Variants in SPTAN1 observed in about 807,000 individuals in gnomAD.
SPTAN1 encodes the protein spectrin alpha chain, non-erythrocytic 1.
In SPTAN1, 61 loss-of-function variants were observed where a neutral mutation model predicts 331.3. The ratio of observed to expected loss-of-function variants is 0.18; its 90% CI spans 0.15 to 0.23. The LOEUF (loss-of-function observed/expected upper bound fraction) is 0.23, where lower values mean the gene tolerates loss of function less well. Ranked by LOEUF, SPTAN1 falls within the 10% of genes least tolerant of loss-of-function variation. The pLI is 1.00. For synonymous variants in SPTAN1, 1,153 were observed against 1,173.9 expected (o/e 0.98, Z 0.36); for missense variants, 2,043 against 3,147.9 (o/e 0.65, Z 8.40).
At chr9:128,584,675 T>A (rs1222391680) in intron 17 of SPTAN1, 46 bp from the exon 18 acceptor site, 1 of 1,614,102 alleles carries the variant, frequency 6.2e-7, no homozygotes, top group African/African-American at 1.3e-5. Context: ...CAGTGCTGAC[T>A]TTTCTCTTCA....
chr9:128,632,202 G>T lies in SPTAN1; in HGVS notation c.6838G>T (p.Ala2280Ser). ...GGACCTGGGGGCCGCCATGGAGGAG[G>T]CCCTCATCCTGGACAACAAGTACAC... ...IEDLGAAMEEALILDNKYTEH... is the reference protein window; with the variant it reads ...IEDLGAAMEESLILDNKYTEH... Residue 2280 changes from alanine to serine, a missense_variant, in exon 53 of 57, where the codon GCC becomes TCC. Physicochemically the swap from Ala to Ser is moderately conservative, Grantham distance 99 (BLOSUM62 1). Around this residue, in one of 12 missense-constraint regions of SPTAN1, gnomAD observed 256 missense variants for 376.4 expected, o/e 0.68. Transcript: ENST00000372739. 1 of 1,613,508 alleles carries T rather than the reference G, an allele frequency of 6.2e-7. No individual in the cohort carries two copies. The highest frequency in any genetic ancestry group is 8.5e-7 in the Non-Finnish European group (1 of 1,180,032).
chr9:128,609,017 G>A, intron 35 of SPTAN1, 40 bp downstream of exon 35: 2 of 1,613,974 alleles, frequency 1.2e-6, no homozygotes, highest in East Asian at 4.5e-5. Context: ...CCAGCCCTGA[G>A]AGGATGCATC....
chr9:128,557,531 A>G (rs1407924013), intron 1 of SPTAN1, among the ~76,000 whole-genome samples: 1 of 152,046 alleles, frequency 6.6e-6, no homozygotes, highest in Non-Finnish European at 1.5e-5. Flanking sequence ...TATATATCCC[A>G]TAAATACCCC....
In SPTAN1 at chr9:128,607,932, A is replaced by T. The variant is rs1375431062; in HGVS notation, c.4227A>T (p.Gly1409=). The T allele has an allele frequency of 3.7e-6, 6 of 1,614,046 alleles. No homozygotes were observed. The highest frequency in any genetic ancestry group is 4.2e-6 in the Non-Finnish European group (5 of 1,180,018). The change falls in exon 33 of 57, where the codon GGA becomes GGT. Residue 1409 remains glycine (G), a synonymous_variant. Coordinates refer to ENST00000372739, the MANE Select transcript of SPTAN1 (RefSeq NM_001130438.3). ...TTGGACAGCAGCTGTTGGCTCACGG[A>T]CACTATGCCAGCCCTGAGATCAAGC... ...EQFGQQLLAH[G]HYASPEIKQK...
At position 128,612,226 on chromosome 9, in the gene SPTAN1, T is replaced by G. The variant is rs1129924; in HGVS notation, c.5023T>G (p.Phe1675Val). Residue 1675 changes from phenylalanine (F) to valine (V), a missense_variant, in exon 39 of 57, where the codon TTT becomes GTT. Physicochemically the swap from Phe to Val is conservative, Grantham distance 50. Transcript: ENST00000372739. ...GAACTTCAACACAGGGATCAAGGAC[T>G]TTGACTTCTGGCTGTCTGAGGTAAC... ...QQNFNTGIKD[F>V]DFWLSEVEAL... The G allele has an allele frequency of 6.2e-7, 1 of 1,614,142 alleles. No individual in the cohort carries two copies. The highest frequency in any genetic ancestry group is 8.5e-7 in the Non-Finnish European group (1 of 1,180,040).
At chr9:128,593,110 C>T in intron 23 of SPTAN1, 68 bp downstream of exon 23, 1 of 1,515,564 alleles carries the variant, frequency 6.6e-7, no homozygotes, top group Non-Finnish European at 9.0e-7. Flanking sequence ...CCCTCTGCCG[C>T]TTCTCTTGAA....
intron 36 of SPTAN1, 110 bp from the exon 37 acceptor site, chr9:128,609,541 A>G (rs568218179): frequency 9.7e-7 from 1 of 1,032,470 alleles, no homozygotes. Context: ...ACTGTTCCCA[A>G]ATGCTGAGCT....
chr9:128,555,399 G>T, intron 1 of SPTAN1: 2 of 1,289,462 alleles, frequency 1.6e-6, no homozygotes, highest in Non-Finnish European at 2.0e-6. Flanking sequence ...GCAGAGTCCA[G>T]GTATTTGACG....
intron 22 of SPTAN1, 102 bp downstream of exon 22, chr9:128,591,727 C>T: frequency 1.4e-6 from 2 of 1,447,508 alleles, no homozygotes; most frequent in South Asian, 1.2e-5. Flanking sequence ...CTGGAGCCCA[C>T]CTGCACGCCT....
At chr9:128,583,714 A>G (rs1331210270) in intron 15 of SPTAN1, 74 bp from the exon 16 acceptor site, 4 of 1,489,868 alleles carry the variant, frequency 2.7e-6, no homozygotes, top group South Asian at 1.1e-5. Context: ...TCACTAAGAT[A>G]CTACTGTTCA....
chr9:128,608,221 G>T lies in SPTAN1; in HGVS notation c.4436G>T (p.Ser1479Ile). The change falls in exon 34 of 57, where the codon AGC becomes ATC. Residue 1479 changes from serine (S) to isoleucine (I), a missense_variant. Transcript: ENST00000372739. Reference sequence around the variant, plus strand: ...GAAGACAAAGGAGACTCACTGGACAGCGTAGAGGCTCTGATCAAAAAACAT... The same window carrying T: ...GAAGACAAAGGAGACTCACTGGACATCGTAGAGGCTCTGATCAAAAAACAT... ...NTEDKGDSLD[S>I]VEALIKKHED... The T allele has an allele frequency of 6.2e-7, 1 of 1,614,186 alleles. No homozygotes were observed. Among genetic ancestry groups the T allele is most frequent in the Non-Finnish European group, 8.5e-7 (1 of 1,180,040 alleles).
chr9:128,599,450 A>T, intron 26 of SPTAN1: 1 of 166,400 alleles, frequency 6.0e-6, no homozygotes, highest in Admixed American at 5.8e-5. Flanking sequence ...ATTGATTTCT[A>T]TTTGCCATTC....
chr9:128,588,874 G>A lies in SPTAN1; in HGVS notation c.2937G>A (p.Gln979=). 2.5e-6 allele frequency: 4 copies of A among 1,614,160 alleles called. No individual in the cohort carries two copies. The highest frequency in any genetic ancestry group is 1.7e-5 in the Admixed American group (1 of 60,026). The part of the protein sequence containing the change: ...KELVLALYDY[Q]EKSPREVTMK... ...TGGTCTTGGCTCTCTACGACTATCA[G>A]GAGAAGAGTCCCCGAGAGGTCACCA... is the stretch of plus-strand genomic sequence containing the variant. The change falls in exon 21 of 57, where the codon CAG becomes CAA. Residue 979 remains glutamine, a synonymous_variant. Coordinates refer to ENST00000372739, the MANE Select transcript of SPTAN1 (RefSeq NM_001130438.3).
chr9:128,575,158 TGTTG>T, intron 4 of SPTAN1, 37 bp from the exon 5 acceptor site: 3 of 1,613,764 alleles, frequency 1.9e-6, no homozygotes, highest in Non-Finnish European at 2.5e-6. Context: ...TGTTAACAAA[TGTTG>T]GTTGGTGACT....
intron 19 of SPTAN1, among the ~76,000 whole-genome samples, chr9:128,586,183 A>G (rs370720243): frequency 9.4e-5 from 12 of 127,138 alleles, no homozygotes; most frequent in African/African-American, 3.4e-4. Flanking sequence ...CAATGTTACA[A>G]TTGTGGCTCA....
chr9:128,601,546 AC>A (rs34603055), intron 27 of SPTAN1: 1 of 148,136 alleles, frequency 6.8e-6, no homozygotes, highest in South Asian at 2.2e-4. Flanking sequence ...ACATGGCAAA[AC>A]CCCGGCTCTA....
chr9:128,580,980 A>G lies in SPTAN1; in HGVS notation c.1382A>G (p.Gln461Arg). 1 of 1,613,996 alleles carries G rather than the reference A, an allele frequency of 6.2e-7. No homozygotes were observed. Among genetic ancestry groups the G allele is most frequent in the African/African-American group, 1.3e-5 (1 of 75,066 alleles). ...CTGGAGCTGTGGGAGCTGCGCAGGCAGCAGTACGAGCAGTGCATGGACCTG... is the reference window on the plus strand; with the variant it reads ...CTGGAGCTGTGGGAGCTGCGCAGGCGGCAGTACGAGCAGTGCATGGACCTG... ...ALLELWELRR[Q>R]QYEQCMDLQL... The change falls in exon 11 of 57, where the codon CAG becomes CGG. Residue 461 changes from glutamine (Q) to arginine (R), a missense_variant. This residue lies in a region of SPTAN1 where 1,038 missense variants were observed against 1,531.5 expected (regional missense o/e 0.68). Coordinates refer to ENST00000372739, the MANE Select transcript of SPTAN1 (RefSeq NM_001130438.3).
At chr9:128,603,865 A>G (rs935717772) in intron 28 of SPTAN1, among the ~76,000 whole-genome samples, 1 of 152,256 alleles carries the variant, frequency 6.6e-6, no homozygotes, top group Non-Finnish European at 1.5e-5. Context: ...GCACAGTCTC[A>G]GTAATGCAGT....
At chr9:128,633,082 T>A in intron 56 of SPTAN1, 127 bp downstream of exon 56, 2 of 1,591,618 alleles carry the variant, frequency 1.3e-6, no homozygotes, top group Non-Finnish European at 1.7e-6. Context: ...TCAAACTCAG[T>A]ATGGACAGAA....
Sources: allele counts gnomAD v4.1 joint callset (sites outside exome capture counted in the v4.1 genomes callset), GRCh38; gene constraint gnomAD v4.1.1; regional missense constraint gnomAD v4.1.1; transcripts MANE v1.5; gene names NCBI Gene and HGNC (gene_info 2026-07-23, HGNC 2026-07-21).